HEXB: variants seen among roughly 807,000 people sequenced by gnomAD.
HEXB encodes the protein beta-hexosaminidase subunit beta.
A neutral mutation model predicts 71.2 loss-of-function variants in HEXB; 51 were observed. That is an observed-to-expected ratio of 0.72 (90% confidence interval 0.57 to 0.90). The LOEUF (loss-of-function observed/expected upper bound fraction) is 0.90. Among genes scored for constraint, HEXB ranks in the 40% least tolerant of loss-of-function variants. The probability of loss-of-function intolerance (pLI) is 0.00; values close to 1 mark genes in which losing one functional copy is unlikely to be tolerated. For missense variants in HEXB, 617 were observed against 677.0 expected, an observed-to-expected ratio of 0.91 and a Z score of 0.98; for synonymous variants, 266 against 249.3, an observed-to-expected ratio of 1.07 and a Z score of -0.63.
chr5:74,696,858 C>A, intron 4 of HEXB, 119 bp downstream of exon 4: 1 of 758,828 alleles, frequency 1.3e-6, no homozygotes, highest in South Asian at 1.5e-5. Context: ...TTGTCTTAGC[C>A]GGTAAATGTA....
At chr5:74,692,420 TGCAATGA>T (rs1749024059) in intron 2 of HEXB, among the ~76,000 whole-genome samples, 2 of 151,850 alleles carry the variant, frequency 1.3e-5, no homozygotes, top group Non-Finnish European at 2.9e-5. Flanking sequence ...AGGTCGAGGC[TGCAATGA>T]ACCGTGATTG....
At chr5:74,676,698 G>T (rs113593905) in intron 1 of HEXB, among the ~76,000 whole-genome samples, 1 of 152,028 alleles carries the variant, frequency 6.6e-6, no homozygotes, top group African/African-American at 2.4e-5. Context: ...CCTGGGAGGC[G>T]GAGGTTGCAG....
intron 1 of HEXB, among the ~76,000 whole-genome samples, chr5:74,659,326 A>C (rs1241596034): frequency 1.3e-5 from 2 of 152,332 alleles, no homozygotes; most frequent in African/African-American, 4.8e-5. Flanking sequence ...GACCATGGTC[A>C]GGGCCAGGAG....
At position 74,714,675 on chromosome 5, in the gene HEXB, A is replaced by G. The variant is rs534208864; in HGVS notation, c.902-835A>G. On this transcript the variant is annotated intron_variant, in intron 7 of 13. Coordinates refer to ENST00000261416, the MANE Select transcript of HEXB (RefSeq NM_000521.4). ...ACAATATCTCATCTTCAGTTTCTCC[A>G]TCTCTAAAATGAGAATTAGTAGTAG... is the stretch of plus-strand genomic sequence containing the variant. 4.6e-5 allele frequency among the ~76,000 whole-genome samples: 7 copies of G among 152,332 alleles called. No homozygotes were observed. The East Asian group carries it at 9.6e-4, about 21-fold the overall frequency.
chr5:74,703,245 G>A (rs1580387497), intron 5 of HEXB, among the ~76,000 whole-genome samples: 1 of 152,210 alleles, frequency 6.6e-6, no homozygotes, highest in African/African-American at 2.4e-5. Context: ...GAGCCACTGT[G>A]CCCAGCCACT....
At chr5:74,671,395 T>C (rs1748536439) in intron 1 of HEXB, among the ~76,000 whole-genome samples, 1 of 151,770 alleles carries the variant, frequency 6.6e-6, no homozygotes. Context: ...AAAATAATTA[T>C]GCTGAGTAAA....
intron 1 of HEXB, among the ~76,000 whole-genome samples, chr5:74,666,855 A>G (rs1453471408): frequency 1.3e-5 from 2 of 152,204 alleles, no homozygotes; most frequent in Non-Finnish European, 2.9e-5. Flanking sequence ...ACACATATAT[A>G]TAGGGAAAAG....
chr5:74,664,426 T>G (rs1748393185), intron 1 of HEXB, among the ~76,000 whole-genome samples: 1 of 56,614 alleles, frequency 1.8e-5, no homozygotes, highest in Admixed American at 1.6e-4. Context: ...CAAGATTCTA[T>G]CTCTAAAAAA....
At chr5:74,654,584 C>T (rs1234115928) in intron 1 of HEXB, among the ~76,000 whole-genome samples, 1 of 151,994 alleles carries the variant, frequency 6.6e-6, no homozygotes, top group East Asian at 1.9e-4. Context: ...ACTTTCTAGG[C>T]AGATGAGGGA....
intron 6 of HEXB, among the ~76,000 whole-genome samples, chr5:74,712,364 G>T (rs1749565958): frequency 6.6e-6 from 1 of 150,938 alleles, no homozygotes; most frequent in Non-Finnish European, 1.5e-5. Flanking sequence ...GCACCAGCAT[G>T]GCACATGTAT....
chr5:74,690,165 C>T (rs1158936128), intron 2 of HEXB, among the ~76,000 whole-genome samples: 1 of 152,104 alleles, frequency 6.6e-6, no homozygotes, highest in Admixed American at 6.6e-5. Context: ...ATTTTGTCCT[C>T]GTTGTTGCCT....
Position 74,720,447 on chromosome 5 carries a change from A to G in HEXB, c.1437A>G (p.Gln479=), listed in dbSNP as rs139129900. The G allele has an allele frequency of 6.2e-7, 1 of 1,612,980 alleles. No homozygotes were observed. Among genetic ancestry groups the G allele is most frequent in the African/African-American group, 1.3e-5 (1 of 75,032 alleles). The part of the protein sequence containing the change: ...LDFGGTQKQK[Q]LFIGGEACLW... The stretch of plus-strand genomic sequence containing the variant: ...ATTTAGGTACTCAGAAACAGAAACA[A>G]CTTTTCATTGGTGGAGAAGCTTGTC... Residue 479 remains glutamine (Q), a synonymous_variant, in exon 12 of 14, where the codon CAA becomes CAG. Coordinates refer to ENST00000261416, the MANE Select transcript of HEXB (RefSeq NM_000521.4).
In HEXB at chr5:74,715,695, G is replaced by A. The variant is rs5030731; in HGVS notation, c.1082+5G>A. 8.4e-6 allele frequency: 13 copies of A among 1,552,728 alleles called. No homozygotes were observed. The Middle Eastern group carries it at 7.3e-4, about 87-fold the overall frequency. On this transcript the variant is annotated splice_donor_5th_base_variant and intron_variant, in intron 8 of 13. Coordinates refer to ENST00000261416, the MANE Select transcript of HEXB (RefSeq NM_000521.4). ...TGAAGTGGAATTTAAATGTTGGTAA[G>A]ATGATTCCTTAAAACCCCTTTAAAA...
intron 6 of HEXB, among the ~76,000 whole-genome samples, chr5:74,707,454 T>C (rs150752502): frequency 0.18 from 27,586 of 152,130 alleles, 3,331 homozygotes; most frequent in African/African-American, 0.35. Context: ...ATGACTTTGA[T>C]GAGTTGAGAG....
chr5:74,670,060 A>G (rs1482633249), intron 1 of HEXB, among the ~76,000 whole-genome samples: 1 of 152,170 alleles, frequency 6.6e-6, no homozygotes, highest in Admixed American at 6.5e-5. Flanking sequence ...GAAGCCTGAA[A>G]GCCAAGGTAC....
chr5:74,667,726 A>G (rs1263794610), intron 1 of HEXB, among the ~76,000 whole-genome samples: 2 of 152,178 alleles, frequency 1.3e-5, no homozygotes, highest in Admixed American at 6.5e-5. Context: ...ACAGATTTCA[A>G]CTTGCATTTC....
chr5:74,672,968 T>C (rs767393679), intron 1 of HEXB, among the ~76,000 whole-genome samples: 23 of 152,038 alleles, frequency 1.5e-4, no homozygotes, highest in Non-Finnish European at 2.8e-4. Flanking sequence ...CAGAGCAGCC[T>C]TTGGTCACCA....
At chr5:74,684,071 C>T (rs948712591), upstream of HEXB, among the ~76,000 whole-genome samples, 11 of 151,886 alleles carry the variant, frequency 7.2e-5, no homozygotes, top group Non-Finnish European at 1.2e-4. Flanking sequence ...CGCCCTCCTT[C>T]GCCTTCCAAA....
At position 74,714,021 on chromosome 5, in the gene HEXB, G is replaced by A. The variant is rs1485789616; in HGVS notation, c.901+386G>A. Among the ~76,000 whole-genome samples the A allele has an allele frequency of 3.9e-5, 6 of 152,204 alleles. No individual in the cohort carries two copies. In the South Asian group the frequency reaches 8.3e-4, roughly 21 times the overall value. ...ACGCTAATTTTTTGTATTTTTAGTA[G>A]AGACGGGGTTTCACCGTGTTACCCA... On this transcript the variant is annotated intron_variant, in intron 7 of 13. Coordinates refer to ENST00000261416, the MANE Select transcript of HEXB (RefSeq NM_000521.4).
Sources: allele counts gnomAD v4.1 joint callset (sites outside exome capture counted in the v4.1 genomes callset), GRCh38; gene constraint gnomAD v4.1.1; transcripts MANE v1.5; gene names NCBI Gene and HGNC (gene_info 2026-07-23, HGNC 2026-07-21).